COLGALT2: variants seen among roughly 807,000 people sequenced by gnomAD.
The protein encoded by COLGALT2 is collagen beta(1-O)galactosyltransferase 2, also known as procollagen galactosyltransferase 2.
Under a neutral mutation model 73.4 loss-of-function variants are expected in COLGALT2, and 49 were observed. The ratio of observed to expected loss-of-function variants is 0.67; its 90% CI spans 0.53 to 0.85. The LOEUF (loss-of-function observed/expected upper bound fraction) is 0.85, where lower values mean the gene tolerates loss of function less well. Among genes scored for constraint, COLGALT2 ranks in the 40% least tolerant of loss-of-function variants. The pLI, the probability that COLGALT2 is intolerant of heterozygous loss-of-function variation, is 0.00. For synonymous variants in COLGALT2, 295 were observed against 307.6 expected (o/e 0.96, Z 0.43); for missense variants, 722 against 790.2 (o/e 0.91, Z 1.03).
At chr1:183,956,167 C>G (rs764663981) in intron 6 of COLGALT2, among the ~76,000 whole-genome samples, 19 of 152,192 alleles carry the variant, frequency 1.2e-4, no homozygotes, top group Non-Finnish European at 2.2e-4. Flanking sequence ...CATAACTTTG[C>G]CCATCCTGAG....
intron 1 of COLGALT2, among the ~76,000 whole-genome samples, chr1:184,004,302 T>C (rs1672010120): frequency 6.6e-6 from 1 of 152,146 alleles, no homozygotes; most frequent in Non-Finnish European, 1.5e-5. Context: ...TCCTGAAGTC[T>C]GGTAATAATA....
intron 5 of COLGALT2, among the ~76,000 whole-genome samples, chr1:183,964,703 A>G (rs983574343): frequency 6.6e-6 from 1 of 152,166 alleles, no homozygotes; most frequent in Non-Finnish European, 1.5e-5. Flanking sequence ...TCATATTCAA[A>G]TTGTTCTTCA....
intron 5 of COLGALT2, 110 bp downstream of exon 5, chr1:183,969,159 T>C (rs368240443): frequency 1.8e-5 from 16 of 896,224 alleles, no homozygotes; most frequent in East Asian, 1.7e-4. Context: ...TTACTGCCTC[T>C]CACTACCAGA....
intron 8 of COLGALT2, among the ~76,000 whole-genome samples, chr1:183,947,644 T>C (rs1433247123): frequency 6.6e-6 from 1 of 152,026 alleles, no homozygotes; most frequent in African/African-American, 2.4e-5. Flanking sequence ...TCTAGTAAAA[T>C]AGAATATCTC....
intron 1 of COLGALT2, among the ~76,000 whole-genome samples, chr1:184,015,834 G>T (rs80203919): frequency 0.01 from 1,544 of 152,280 alleles, 21 homozygotes; most frequent in African/African-American, 0.035. Flanking sequence ...AGCTATCTAC[G>T]TGAAACTATA....
At chr1:184,020,090 G>A (rs1166412791) in intron 1 of COLGALT2, among the ~76,000 whole-genome samples, 2 of 152,096 alleles carry the variant, frequency 1.3e-5, no homozygotes, top group African/African-American at 4.8e-5. Context: ...GGTATGTTTT[G>A]TCTAATTTTG....
rs1669989325 is a variant in COLGALT2 at position 183,937,567 on chromosome 1, A to G, written c.*1194T>C. ...TGACCAGGTTTCTCACCTGAGATAGAGAATCATTTGTTTCCAAATAGTTCA... is the reference window on the plus strand; with the variant it reads ...TGACCAGGTTTCTCACCTGAGATAGGGAATCATTTGTTTCCAAATAGTTCA... On this transcript the variant is annotated 3_prime_UTR_variant, in exon 12 of 12. Coordinates refer to ENST00000361927, the MANE Select transcript of COLGALT2 (RefSeq NM_015101.4). The G allele has an allele frequency of 2.0e-6, 2 of 985,214 alleles. No individual in the cohort carries two copies. Among genetic ancestry groups the G allele is most frequent in the Non-Finnish European group, 2.4e-6 (2 of 829,920 alleles). The allele number at this position is 985,214 out of a possible 1,614,324, so 61.0% of individuals were successfully genotyped here. A position where few individuals can be genotyped will look rare whatever the true frequency, so the allele number is the denominator to read the frequency against.
At chr1:183,949,831 T>C (rs1670349296) in intron 8 of COLGALT2, among the ~76,000 whole-genome samples, 1 of 152,212 alleles carries the variant, frequency 6.6e-6, no homozygotes, top group African/African-American at 2.4e-5. Context: ...GACAATTACA[T>C]ATCTGATAAA....
intron 6 of COLGALT2, 113 bp downstream of exon 6, chr1:183,963,788 C>G: frequency 1.7e-6 from 2 of 1,145,390 alleles, no homozygotes; most frequent in East Asian, 5.3e-5. Flanking sequence ...ATGTATTCAG[C>G]CAGGGGAGAC....
intron 10 of COLGALT2, 98 bp downstream of exon 10, chr1:183,944,098 G>T: frequency 7.5e-7 from 1 of 1,328,904 alleles, no homozygotes; most frequent in Non-Finnish European, 1.0e-6. Context: ...GGAAGCTTAA[G>T]CTGTATCTCC....
intron 1 of COLGALT2, among the ~76,000 whole-genome samples, chr1:184,034,663 A>T (rs1664806966): frequency 6.6e-6 from 1 of 152,230 alleles, no homozygotes; most frequent in East Asian, 1.9e-4. Context: ...GTAAAGTGGT[A>T]TAATAACAGT....
intron 1 of COLGALT2, among the ~76,000 whole-genome samples, chr1:184,012,674 C>T (rs934766827): frequency 1.3e-5 from 2 of 152,156 alleles, no homozygotes; most frequent in Non-Finnish European, 2.9e-5. Context: ...AAATGGTTCC[C>T]ACAGAAGAGA....
intron 1 of COLGALT2, among the ~76,000 whole-genome samples, chr1:183,985,445 T>C (rs1244824312): frequency 1.3e-5 from 2 of 152,152 alleles, no homozygotes; most frequent in Non-Finnish European, 2.9e-5. Flanking sequence ...GCTAATTTTG[T>C]ATTTTTAGTA....
At chr1:183,999,506 A>G (rs1014412675) in intron 1 of COLGALT2, among the ~76,000 whole-genome samples, 1 of 152,074 alleles carries the variant, frequency 6.6e-6, no homozygotes, top group Non-Finnish European at 1.5e-5. Context: ...TGCTTTTCTA[A>G]TCACTCAATG....
At chr1:184,000,487 T>C (rs1345566624) in intron 1 of COLGALT2, among the ~76,000 whole-genome samples, 2 of 148,434 alleles carry the variant, frequency 1.3e-5, no homozygotes, top group South Asian at 2.1e-4. Flanking sequence ...TTAACTATAG[T>C]CACCCCCATC....
intron 5 of COLGALT2, among the ~76,000 whole-genome samples, chr1:183,967,339 A>G (rs1189384150): frequency 6.6e-6 from 1 of 152,256 alleles, no homozygotes; most frequent in Non-Finnish European, 1.5e-5. Flanking sequence ...ACACCGTGCC[A>G]GGAACAGAAG....
At chr1:183,991,451 A>G (rs1377465520) in intron 1 of COLGALT2, among the ~76,000 whole-genome samples, 2 of 152,206 alleles carry the variant, frequency 1.3e-5, no homozygotes, top group African/African-American at 4.8e-5. Flanking sequence ...TAAATTTACA[A>G]ACTGAATTCA....
At chr1:183,951,149 T>C in intron 7 of COLGALT2, 36 bp from the exon 8 acceptor site, 1 of 1,452,398 alleles carries the variant, frequency 6.9e-7, no homozygotes, top group Non-Finnish European at 9.7e-7. Context: ...GACACATAAA[T>C]TACTCAAGTC....
At chr1:184,034,365 T>A (rs979516824) in intron 1 of COLGALT2, among the ~76,000 whole-genome samples, 1 of 151,934 alleles carries the variant, frequency 6.6e-6, no homozygotes, top group Admixed American at 6.6e-5. Context: ...TGATTTTTAC[T>A]CTTCCTTCAA....
Sources: gnomAD v4.1 joint callset for allele counts (sites outside exome capture counted in the v4.1 genomes callset) on GRCh38, gnomAD v4.1.1 for gene constraint, MANE v1.5 for transcripts, NCBI Gene and HGNC (gene_info 2026-07-23, HGNC 2026-07-21) for gene names.